The following S100A7A variants were observed in gnomAD, a reference collection of about 807,000 sequenced individuals.
S100A7A encodes protein S100-A7A.
Under a neutral mutation model 4.0 loss-of-function variants are expected in S100A7A, and 5 were observed. The observed-to-expected ratio is 1.26, with a 90% CI of 0.66 to 2.66. The LOEUF (loss-of-function observed/expected upper bound fraction) is 2.66, where lower values mean the gene tolerates loss of function less well. Among genes scored for constraint, S100A7A ranks in the 30% most tolerant of loss-of-function variants. The probability of loss-of-function intolerance (pLI) is 0.01; values close to 1 mark genes in which losing one functional copy is unlikely to be tolerated. For missense variants in S100A7A, 159 were observed against 125.1 expected, an observed-to-expected ratio of 1.27 and a Z score of -1.29; for synonymous variants, 52 against 46.4, an observed-to-expected ratio of 1.12 and a Z score of -0.49.
intron 1 of S100A7A, 93 bp downstream of exon 1, chr1:153,416,656 T>C: frequency 2.9e-6 from 1 of 344,870 alleles, no homozygotes; most frequent in Non-Finnish European, 5.7e-6. Context: ...GTGGACAAAG[T>C]CTCAGAAGCC....
intron 2 of S100A7A, among the ~76,000 whole-genome samples, chr1:153,418,928 T>A (rs1662816844): frequency 6.6e-6 from 1 of 152,090 alleles, no homozygotes; most frequent in Admixed American, 6.5e-5. Flanking sequence ...CTGCCTCCCA[T>A]CCTGAGGTGT....
chr1:153,419,259 T>A lies in S100A7A; in HGVS notation c.256T>A (p.Tyr86Asn). The change falls in exon 3 of 3, where the codon TAC becomes AAC. Residue 86 changes from tyrosine (Y) to asparagine (N), a missense_variant. Transcript: ENST00000368729. Reference sequence around the variant, plus strand: ...CTTGCTGGGAGACATAGCCGCAGACTACCACAAGCAGAGCCATGGAGCGGC... The same window carrying A: ...CTTGCTGGGAGACATAGCCGCAGACAACCACAAGCAGAGCCATGGAGCGGC... ...LSLLGDIAAD[Y>N]HKQSHGAAPC... 6.2e-7 allele frequency: 1 copy of A among 1,614,186 alleles called. No individual in the cohort carries two copies. Among genetic ancestry groups the A allele is most frequent in the Non-Finnish European group, 8.5e-7 (1 of 1,180,030 alleles).
intron 2 of S100A7A, among the ~76,000 whole-genome samples, chr1:153,418,609 T>C (rs1662802603): frequency 6.6e-6 from 1 of 152,140 alleles, no homozygotes; most frequent in Admixed American, 6.6e-5. Flanking sequence ...CCATTGCTAG[T>C]AGAAATCAAT....
chr1:153,422,388 T>A lies in S100A7A; in HGVS notation c.*3079T>A. ...GGCACAGGTATTAGTGTCATATTGA[T>A]CAGAATTCAACCTTTGTTCTAACAC... On this transcript the variant is annotated 3_prime_UTR_variant, in exon 3 of 3. Coordinates refer to ENST00000368729, the MANE Select transcript of S100A7A (RefSeq NM_176823.4). 1 of 453,902 alleles carries A rather than the reference T, an allele frequency of 2.2e-6. No individual in the cohort carries two copies. Among genetic ancestry groups the A allele is most frequent in the Non-Finnish European group, 2.9e-6 (1 of 344,284 alleles). 28.1% of individuals were successfully genotyped at this position (453,902 alleles called of 1,614,324 possible).
rs1662926673 is a variant in S100A7A at position 153,422,627 on chromosome 1, C to T, written c.*3318C>T. The T allele has an allele frequency of 1.5e-6, 1 of 649,982 alleles. No individual in the cohort carries two copies. Among genetic ancestry groups the T allele is most frequent in the African/African-American group, 2.0e-5 (1 of 50,486 alleles). The allele number at this position is 649,982 out of a possible 1,614,324, so 40.3% of individuals were successfully genotyped here. A position where few individuals can be genotyped will look rare whatever the true frequency, so the allele number is the denominator to read the frequency against. On this transcript the variant is annotated 3_prime_UTR_variant, in exon 3 of 3. Coordinates refer to ENST00000368729, the MANE Select transcript of S100A7A (RefSeq NM_176823.4). ...TTCAGGCGCAGTCTCACTCTGTCGC[C>T]CGGGCTGGAGTGCTGTGAGCTGTCC...
At chr1:153,417,003 AGTC>A (rs1557856735) in intron 1 of S100A7A, among the ~76,000 whole-genome samples, 7 of 152,184 alleles carry the variant, frequency 4.6e-5, no homozygotes, top group African/African-American at 1.7e-4. Flanking sequence ...GTAAATTCTC[AGTC>A]AATCTCTGGG....
rs891424411 is a variant in S100A7A at position 153,421,680 on chromosome 1, A to G, written c.*2371A>G. On this transcript the variant is annotated 3_prime_UTR_variant, in exon 3 of 3. Transcript: ENST00000368729. The stretch of plus-strand genomic sequence containing the variant: ...TGAACAGTTCCCTCAGGACTCACGT[A>G]CTGATCTCCCAAAAGAAGAGAGGGT... 7.9e-5 allele frequency: 12 copies of G among 152,248 alleles called. No individual in the cohort carries two copies. Among genetic ancestry groups the G allele is most frequent in the African/African-American group, 2.7e-4 (11 of 41,438 alleles). The allele number at this position is 152,248 out of a possible 1,614,324, so 9.4% of individuals were successfully genotyped here. A position where few individuals can be genotyped will look rare whatever the true frequency, so the allele number is the denominator to read the frequency against.
At chr1:153,418,721 G>A (rs1178547266) in intron 2 of S100A7A, among the ~76,000 whole-genome samples, 1 of 152,210 alleles carries the variant, frequency 6.6e-6, no homozygotes, top group Non-Finnish European at 1.5e-5. Context: ...GAACCCAGAA[G>A]ATGAGTTTGG....
chr1:153,420,285 AG>A lies in S100A7A; in HGVS notation c.*977del, dbSNP rs1371390609. 1.3e-5 allele frequency: 2 copies of A among 152,378 alleles called. No individual in the cohort carries two copies. Among genetic ancestry groups the A allele is most frequent in the East Asian group, 3.9e-4 (2 of 5,182 alleles). The allele number at this position is 152,378 out of a possible 1,614,324, so 9.4% of individuals were successfully genotyped here. On this transcript the variant is annotated 3_prime_UTR_variant, in exon 3 of 3. Coordinates refer to ENST00000368729, the MANE Select transcript of S100A7A (RefSeq NM_176823.4). The stretch of plus-strand genomic sequence containing the variant: ...AACAGGCAGGACACAGTGCTGTCCT[AG>A]CAGTGCACTGGCGGGTCTCTCCATG...
At position 153,421,406 on chromosome 1, in the gene S100A7A, A is replaced by T. The variant is rs1322220611; in HGVS notation, c.*2097A>T. On this transcript the variant is annotated 3_prime_UTR_variant, in exon 3 of 3. Transcript: ENST00000368729. Reference sequence around the variant, plus strand: ...AGACTTGGAATCATGGAGGGAAAACATTGTTACCTCGGATCTCCTGGTTAC... The same window carrying T: ...AGACTTGGAATCATGGAGGGAAAACTTTGTTACCTCGGATCTCCTGGTTAC... 6.6e-6 allele frequency: 1 copy of T among 152,222 alleles called. No individual in the cohort carries two copies. Among genetic ancestry groups the T allele is most frequent in the Non-Finnish European group, 1.5e-5 (1 of 68,052 alleles). 9.4% of individuals were successfully genotyped at this position (152,222 alleles called of 1,614,324 possible). A position where few individuals can be genotyped will look rare whatever the true frequency, so the allele number is the denominator to read the frequency against.
chr1:153,421,835 A>G lies in S100A7A; in HGVS notation c.*2526A>G, dbSNP rs1662905417. 1 of 152,214 alleles carries G rather than the reference A, an allele frequency of 6.6e-6. No individual in the cohort carries two copies. The highest frequency in any genetic ancestry group is 2.4e-5 in the African/African-American group (1 of 41,442). The allele number at this position is 152,214 out of a possible 1,614,324, so 9.4% of individuals were successfully genotyped here. A position where few individuals can be genotyped will look rare whatever the true frequency, so the allele number is the denominator to read the frequency against. On this transcript the variant is annotated 3_prime_UTR_variant, in exon 3 of 3. Transcript: ENST00000368729. ...ATTTCACCTGATAATATTCCGTCCAATTGGCAATGGCACATAAAAATTAGG... is the reference window on the plus strand; with the variant it reads ...ATTTCACCTGATAATATTCCGTCCAGTTGGCAATGGCACATAAAAATTAGG...
At chr1:153,418,602 T>C (rs771046223) in intron 2 of S100A7A, among the ~76,000 whole-genome samples, 2 of 152,084 alleles carry the variant, frequency 1.3e-5, no homozygotes, top group Admixed American at 6.5e-5. Context: ...AGAAGTTCCA[T>C]TGCTAGTAGA....
intron 1 of S100A7A, among the ~76,000 whole-genome samples, chr1:153,417,736 G>C (rs1254977218): frequency 2.0e-5 from 3 of 152,072 alleles, no homozygotes; most frequent in Non-Finnish European, 4.4e-5. Flanking sequence ...GCCATGTGCT[G>C]GTTGAGGCTG....
chr1:153,421,541 A>C lies in S100A7A; in HGVS notation c.*2232A>C, dbSNP rs539257555. ...GTCAATACTACTTTATGTAAACAGC[A>C]GTGTAAAATCCAAAAACTTCCAGTC... On this transcript the variant is annotated 3_prime_UTR_variant, in exon 3 of 3. Coordinates refer to ENST00000368729, the MANE Select transcript of S100A7A (RefSeq NM_176823.4). The C allele has an allele frequency of 6.6e-6, 1 of 152,346 alleles. No homozygotes were observed. The highest frequency in any genetic ancestry group is 2.1e-4 in the South Asian group (1 of 4,814). The allele number at this position is 152,346 out of a possible 1,614,324, so 9.4% of individuals were successfully genotyped here. A position where few individuals can be genotyped will look rare whatever the true frequency, so the allele number is the denominator to read the frequency against.
In S100A7A at chr1:153,417,067, T is replaced by C. The variant is rs1187280692; in HGVS notation, c.-18+504T>C. ...CCTTGGCCTCAGATTCAGAAAGCTT[T>C]GAGTGGCTTCTCTTAGTCAGTTGCT... On this transcript the variant is annotated intron_variant, in intron 1 of 2. Transcript: ENST00000368729. Among the ~76,000 whole-genome samples the C allele has an allele frequency of 3.3e-5, 5 of 152,248 alleles. No homozygotes were observed. In the East Asian group the frequency reaches 7.7e-4, roughly 23 times the overall value.
In S100A7A at chr1:153,422,076, TC is replaced by T. The variant is rs1662910108; in HGVS notation, c.*2769del. 6.6e-6 allele frequency: 1 copy of T among 152,212 alleles called. No individual in the cohort carries two copies. Among genetic ancestry groups the T allele is most frequent in the Non-Finnish European group, 1.5e-5 (1 of 68,054 alleles). The allele number at this position is 152,212 out of a possible 1,614,324, so 9.4% of individuals were successfully genotyped here. On this transcript the variant is annotated 3_prime_UTR_variant, in exon 3 of 3. Transcript: ENST00000368729. ...CAGGGACACATGTGTGGCATACAGT[TC>T]CTAGTTAAGATCCCAAATCCTGAGA...
chr1:153,423,111 C>T lies in S100A7A; in HGVS notation c.*3802C>T, dbSNP rs1662939827. On this transcript the variant is annotated 3_prime_UTR_variant, in exon 3 of 3. Coordinates refer to ENST00000368729, the MANE Select transcript of S100A7A (RefSeq NM_176823.4). ...CCAGCACCAGATAAGCTTCAGTGCTCTCCTTTCTTTGGCCTTAATATTATT... is the reference window on the plus strand; with the variant it reads ...CCAGCACCAGATAAGCTTCAGTGCTTTCCTTTCTTTGGCCTTAATATTATT... 1 of 152,158 alleles carries T rather than the reference C, an allele frequency of 6.6e-6. No homozygotes were observed. Among genetic ancestry groups the T allele is most frequent in the Non-Finnish European group, 1.5e-5 (1 of 68,030 alleles). 9.4% of individuals were successfully genotyped at this position (152,158 alleles called of 1,614,324 possible). A position where few individuals can be genotyped will look rare whatever the true frequency, so the allele number is the denominator to read the frequency against.
chr1:153,418,950 T>A (rs753030998), intron 2 of S100A7A, among the ~76,000 whole-genome samples, 195 bp from the exon 3 acceptor site: 24 of 151,850 alleles, frequency 1.6e-4, no homozygotes, highest in Non-Finnish European at 2.6e-4. Flanking sequence ...AGACAAAAAG[T>A]CTCCTTAGAG....
In S100A7A at chr1:153,417,886, C is replaced by T. The variant is rs145259903; in HGVS notation, c.-17-180C>T. On this transcript the variant is annotated intron_variant, in intron 1 of 2. Transcript: ENST00000368729. ...GCCCTGGCCAGGATGGGCCGGGTCT[C>T]AGACTTGGTCCTACCCTCTCATTTT... The T allele has an allele frequency of 2.2e-3, 1,564 of 726,862 alleles. 50 individuals carry two copies. The East Asian group carries it at 0.041, about 19-fold the overall frequency. The allele number at this position is 726,862 out of a possible 1,614,324, so 45.0% of individuals were successfully genotyped here. A position where few individuals can be genotyped will look rare whatever the true frequency, so the allele number is the denominator to read the frequency against.
Sources: gnomAD v4.1 joint callset for allele counts (sites outside exome capture counted in the v4.1 genomes callset) on GRCh38, gnomAD v4.1.1 for gene constraint, MANE v1.5 for transcripts, NCBI Gene and HGNC (gene_info 2026-07-23, HGNC 2026-07-21) for gene names.